Variants in ANKHD1 observed in about 807,000 individuals in gnomAD.
ANKHD1 encodes the protein ankyrin repeat and KH domain-containing protein 1.
In ANKHD1, 31 loss-of-function variants were observed where a neutral mutation model predicts 230.5. The observed-to-expected ratio is 0.13, with a 90% CI of 0.10 to 0.18. The LOEUF (loss-of-function observed/expected upper bound fraction) is 0.18. Among genes scored for constraint, ANKHD1 ranks in the 10% least tolerant of loss-of-function variants. ANKHD1 has a pLI of 1.00. For synonymous variants in ANKHD1, 1,074 were observed against 1,117.6 expected (o/e 0.96, Z 0.78); for missense variants, 2,256 against 3,071.3 (o/e 0.73, Z 6.27).
intron 15 of ANKHD1, among the ~76,000 whole-genome samples, chr5:140,500,067 C>T (rs1455550293): frequency 1.3e-5 from 2 of 151,952 alleles, no homozygotes; most frequent in African/African-American, 4.8e-5. Context: ...TGGGGTTTTA[C>T]CATGTTGGCC....
chr5:140,441,024 A>T lies in ANKHD1; in HGVS notation c.795A>T (p.Glu265Asp). 2 of 1,610,168 alleles carry T rather than the reference A, an allele frequency of 1.2e-6. No homozygotes were observed. The highest frequency in any genetic ancestry group is 1.7e-6 in the Non-Finnish European group (2 of 1,178,722). ...QVLLAMHANV[E>D]DRGNKGDITP... is the part of the protein sequence containing the mutation. ...TGCTTGCTATGCATGCTAATGTTGA[A>T]GATCGAGGGAATAAAGGAGACATAA... Residue 265 changes from glutamate to aspartate, a missense_variant, in exon 5 of 34, where the codon GAA (glutamate) becomes GAT (aspartate). Around this residue, in one of 13 missense-constraint regions of ANKHD1, gnomAD observed 206 missense variants for 304.5 expected, o/e 0.68. Coordinates refer to ENST00000360839, the MANE Select transcript of ANKHD1 (RefSeq NM_017747.3).
intron 13 of ANKHD1, chr5:140,486,545 C>T (rs983281808): frequency 1.3e-5 from 2 of 152,920 alleles, no homozygotes; most frequent in African/African-American, 4.8e-5. Flanking sequence ...AAATTCTTTT[C>T]TACAAAGTCA....
Position 140,436,188 on chromosome 5 carries a change from G to A in ANKHD1, c.391G>A (p.Glu131Lys). The change falls in exon 2 of 34, where the codon GAA (glutamate) becomes AAA (lysine). Residue 131 changes from glutamate (E) to lysine (K), a missense_variant. Around this residue, in one of 13 missense-constraint regions of ANKHD1, gnomAD observed 193 missense variants for 185.8 expected, o/e 1.04. Coordinates refer to ENST00000360839, the MANE Select transcript of ANKHD1 (RefSeq NM_017747.3). ...TSEIFLSSTAEGADLRTVDPE... is the reference protein window; with the variant it reads ...TSEIFLSSTAKGADLRTVDPE... ...AGAGATATTCTTATCAAGTACTGCA[G>A]AAGGAGCAGACTTACGCACTGTGGA... The A allele has an allele frequency of 6.2e-7, 1 of 1,611,148 alleles. No homozygotes were observed. The highest frequency in any genetic ancestry group is 1.1e-5 in the South Asian group (1 of 90,414).
chr5:140,479,539 T>C (rs1235268663), intron 10 of ANKHD1, among the ~76,000 whole-genome samples: 2 of 151,954 alleles, frequency 1.3e-5, no homozygotes, highest in Admixed American at 6.6e-5. Context: ...TATATACATA[T>C]ATGCATTGAT....
At chr5:140,421,033 C>T (rs1463661235) in intron 1 of ANKHD1, among the ~76,000 whole-genome samples, 1 of 152,060 alleles carries the variant, frequency 6.6e-6, no homozygotes, top group African/African-American at 2.4e-5. Flanking sequence ...TTAAATTTGC[C>T]AGACTGCTAG....
Position 140,449,118 on chromosome 5 carries a change from G to T in ANKHD1, c.1148-93G>T, listed in dbSNP as rs991463786. ...ATGCAAAATAAGTTATCAAATTCTTGTATAGACATCTGAAGAAAAAGATTC... is the reference window on the plus strand; with the variant it reads ...ATGCAAAATAAGTTATCAAATTCTTTTATAGACATCTGAAGAAAAAGATTC... On this transcript the variant is annotated intron_variant, in intron 6 of 33. Transcript: ENST00000360839. 21 of 1,266,524 alleles carry T rather than the reference G, an allele frequency of 1.7e-5. No homozygotes were observed. In the African/African-American group the frequency reaches 2.6e-4, roughly 16 times the overall value. The allele number at this position is 1,266,524 out of a possible 1,614,324, so 78.5% of individuals were successfully genotyped here.
At chr5:140,536,250 C>T (rs780385483) in intron 30 of ANKHD1, among the ~76,000 whole-genome samples, 2 of 152,128 alleles carry the variant, frequency 1.3e-5, no homozygotes, top group African/African-American at 4.8e-5. Context: ...CCTGCCACCA[C>T]GCCTGGCTAA....
rs1379829261 is a variant in ANKHD1, at chr5:140,497,402, T to C, written c.3004+124T>C. 6 of 1,427,042 alleles carry C rather than the reference T, an allele frequency of 4.2e-6. No homozygotes were observed. In the African/African-American group the frequency reaches 8.6e-5, roughly 20 times the overall value. The allele number at this position is 1,427,042 out of a possible 1,614,324, so 88.4% of individuals were successfully genotyped here. A position where few individuals can be genotyped will look rare whatever the true frequency, so the allele number is the denominator to read the frequency against. On this transcript the variant is annotated intron_variant, in intron 15 of 33. Transcript: ENST00000360839. Reference sequence around the variant, plus strand: ...TTAGAACTTTGTAAAATTACCCATTTCTCGAAGTATTTTGGAAGTGAATTA... The same window carrying C: ...TTAGAACTTTGTAAAATTACCCATTCCTCGAAGTATTTTGGAAGTGAATTA...
rs910464518 is a variant in ANKHD1, at chr5:140,538,170, A to G, written c.7313A>G (p.His2438Arg). The G allele has an allele frequency of 1.7e-5, 28 of 1,614,200 alleles. No individual in the cohort carries two copies. Among genetic ancestry groups the G allele is most frequent in the Non-Finnish European group, 2.4e-5 (28 of 1,180,032 alleles). The change falls in exon 32 of 34, where the codon CAT becomes CGT. Residue 2438 changes from histidine (H) to arginine (R), a missense_variant. Physicochemically the swap from His to Arg is conservative, Grantham distance 29 (BLOSUM62 0). Transcript: ENST00000360839. ...QLSDPSTFSQ[H>R]QPMERDDSGM... is the part of the protein sequence containing the mutation. ...TCAGACCCAAGCACATTCTCCCAACATCAGCCAATGGAGAGAGATGATTCT... is the reference window on the plus strand; with the variant it reads ...TCAGACCCAAGCACATTCTCCCAACGTCAGCCAATGGAGAGAGATGATTCT...
intron 10 of ANKHD1, among the ~76,000 whole-genome samples, chr5:140,466,088 GTTC>G (rs1295961243): frequency 2.0e-5 from 3 of 152,128 alleles, no homozygotes; most frequent in Non-Finnish European, 4.4e-5. Flanking sequence ...CCTGTTGGGA[GTTC>G]TTCTAAAAAA....
chr5:140,424,894 C>T (rs1179106605), intron 1 of ANKHD1, among the ~76,000 whole-genome samples: 1 of 152,124 alleles, frequency 6.6e-6, no homozygotes, highest in Non-Finnish European at 1.5e-5. Context: ...GCTTCAGATC[C>T]TCACATGGTT....
rs1201763302 is a variant in ANKHD1, at chr5:140,535,434, T to C, written c.6923T>C (p.Ile2308Thr). 2 of 1,613,894 alleles carry C rather than the reference T, an allele frequency of 1.2e-6. No homozygotes were observed. The highest frequency in any genetic ancestry group is 1.1e-5 in the South Asian group (1 of 91,056). ...SSAPLASFSG[I>T]PGTRVFLQGP... ...GCTCCTCTGGCAAGTTTTTCCGGCA[T>C]ACCAGGAACAAGGGTTTTCCTGCAA... Residue 2308 changes from isoleucine to threonine, a missense_variant, in exon 30 of 34, where the codon ATA becomes ACA. Physicochemically the swap from Ile to Thr is moderately conservative, Grantham distance 89. Around this residue, in one of 13 missense-constraint regions of ANKHD1, gnomAD observed 778 missense variants for 966.5 expected, o/e 0.80. Coordinates refer to ENST00000360839, the MANE Select transcript of ANKHD1 (RefSeq NM_017747.3).
At chr5:140,411,821 G>A (rs1770949827) in intron 1 of ANKHD1, among the ~76,000 whole-genome samples, 1 of 151,392 alleles carries the variant, frequency 6.6e-6, no homozygotes, top group African/African-American at 2.4e-5. Flanking sequence ...ACTGTGCCTG[G>A]CCTTTTTTTA....
Position 140,527,284 on chromosome 5 carries a change from T to G in ANKHD1, c.5087+210T>G. ...ATATGACACAAGAAATTTTGGCTTT[T>G]TTGGATAACCTCAGTTGCTTTTTAT... On this transcript the variant is annotated intron_variant, in intron 27 of 33. Coordinates refer to ENST00000360839, the MANE Select transcript of ANKHD1 (RefSeq NM_017747.3). This position sits in a 1 kb window ranked among gnomAD's most constrained non-coding sequence, Gnocchi z 4.5. 1 of 681,014 alleles carries G rather than the reference T, an allele frequency of 1.5e-6. No homozygotes were observed. Among genetic ancestry groups the G allele is most frequent in the Non-Finnish European group, 2.2e-6 (1 of 464,764 alleles). The allele number at this position is 681,014 out of a possible 1,614,324, so 42.2% of individuals were successfully genotyped here.
At chr5:140,459,962 T>G (rs1009644919) in intron 9 of ANKHD1, among the ~76,000 whole-genome samples, 1 of 152,214 alleles carries the variant, frequency 6.6e-6, no homozygotes. Context: ...TTAATGTTTG[T>G]GTAGTGACCA....
Position 140,513,471 on chromosome 5 carries a change from C to T in ANKHD1, c.4309C>T (p.Leu1437=), listed in dbSNP as rs1287856795. The T allele has an allele frequency of 2.5e-6, 4 of 1,611,398 alleles. No homozygotes were observed. Among genetic ancestry groups the T allele is most frequent in the Non-Finnish European group, 3.4e-6 (4 of 1,179,116 alleles). ...GAGTATTCTTTTAAAGGAACTTGAT[C>T]TGGAAAAGGTGAGTGGGAAAAATAA... ...NASILLKELD[L]EKSREESRKQ... The change falls in exon 24 of 34, where the codon CTG becomes TTG. Residue 1437 remains leucine (L), a synonymous_variant. Coordinates refer to ENST00000360839, the MANE Select transcript of ANKHD1 (RefSeq NM_017747.3).
At chr5:140,456,442 G>A (rs998826038) in intron 7 of ANKHD1, among the ~76,000 whole-genome samples, 14 of 152,050 alleles carry the variant, frequency 9.2e-5, no homozygotes, top group African/African-American at 1.7e-4. Flanking sequence ...GAGACATCAC[G>A]CTACCTGACT....
At chr5:140,459,021 T>TATGC (rs1775513133) in intron 8 of ANKHD1, 143 bp from the exon 9 acceptor site, 1 of 115,710 alleles carries the variant, frequency 8.6e-6, no homozygotes, top group Non-Finnish European at 1.6e-5. Flanking sequence ...TATATATATA[T>TATGC]ATATATATTG....
At chr5:140,428,118 G>A (rs1772690383) in intron 1 of ANKHD1, among the ~76,000 whole-genome samples, 1 of 151,464 alleles carries the variant, frequency 6.6e-6, no homozygotes, top group Admixed American at 6.6e-5. Context: ...TAGATGGGAT[G>A]GCGGCTGGGC....
Sources: allele counts gnomAD v4.1 joint callset (sites outside exome capture counted in the v4.1 genomes callset), GRCh38; gene constraint gnomAD v4.1.1; regional missense constraint gnomAD v4.1.1; non-coding constraint Gnocchi (gnomAD v3.1); transcripts MANE v1.5; gene names NCBI Gene and HGNC (gene_info 2026-07-23, HGNC 2026-07-21).